The following VWA8 variants were observed in gnomAD, a reference collection of about 807,000 sequenced individuals.
VWA8 encodes von Willebrand factor A domain-containing protein 8.
Under a neutral mutation model 241.5 loss-of-function variants are expected in VWA8, and 221 were observed. The ratio of observed to expected loss-of-function variants is 0.91; its 90% CI spans 0.82 to 1.02. VWA8 has a LOEUF of 1.02. Ranked by LOEUF, VWA8 falls within the 50% of genes least tolerant of loss-of-function variation. The pLI is 0.00. For missense variants in VWA8, 2,322 were observed against 2,328.7 expected (o/e 1.00, Z 0.06); for synonymous variants, 852 against 827.1 (o/e 1.03, Z -0.52).
At chr13:41,706,225 ATT>A (rs1360105071) in intron 26 of VWA8, among the ~76,000 whole-genome samples, 2 of 152,244 alleles carry the variant, frequency 1.3e-5, no homozygotes, top group African/African-American at 2.4e-5. Flanking sequence ...TTGCCAACTC[ATT>A]CTAAGTAAGT....
chr13:41,869,743 CA>C (rs924625174), intron 9 of VWA8, among the ~76,000 whole-genome samples: 5 of 146,098 alleles, frequency 3.4e-5, no homozygotes, highest in Non-Finnish European at 6.0e-5. Flanking sequence ...CTAGCTATAT[CA>C]AAACTACACA....
At chr13:41,893,838 C>T (rs988292177) in intron 4 of VWA8, among the ~76,000 whole-genome samples, 5 of 152,200 alleles carry the variant, frequency 3.3e-5, no homozygotes, top group East Asian at 1.9e-4. Context: ...GAGCCAAGAT[C>T]GCACCCCTAC....
intron 42 of VWA8, among the ~76,000 whole-genome samples, chr13:41,586,757 AGTCT>A (rs1337520432): frequency 2.0e-5 from 3 of 152,216 alleles, no homozygotes; most frequent in African/African-American, 7.2e-5. Context: ...AATAAAATCT[AGTCT>A]GTCTATGGAC....
In VWA8 at chr13:41,645,874, C is replaced by T. The variant is rs2044828507; in HGVS notation, c.4611+25072G>A. Among the ~76,000 whole-genome samples, 3 of 151,902 alleles carry T rather than the reference C, an allele frequency of 2.0e-5. No individual in the cohort carries two copies. In the South Asian group the frequency reaches 6.2e-4, roughly 32 times the overall value. ...TCACTTACTTTTATTTTTCTAAGTG[C>T]ATCTGAAAGAAGAAAGGTATTTCCA... On this transcript the variant is annotated intron_variant, in intron 37 of 44. Coordinates refer to ENST00000379310, the MANE Select transcript of VWA8 (RefSeq NM_015058.2).
At chr13:41,649,365 A>G (rs2044854191) in intron 37 of VWA8, among the ~76,000 whole-genome samples, 1 of 152,198 alleles carries the variant, frequency 6.6e-6, no homozygotes, top group Non-Finnish European at 1.5e-5. Context: ...CCTAGTTTTA[A>G]TAATTGTAAA....
At chr13:41,658,735 A>G (rs1593679861) in intron 37 of VWA8, among the ~76,000 whole-genome samples, 2 of 152,174 alleles carry the variant, frequency 1.3e-5, no homozygotes, top group South Asian at 4.1e-4. Context: ...TCCCATGTCC[A>G]CCCTTCTAAA....
intron 42 of VWA8, among the ~76,000 whole-genome samples, chr13:41,577,516 G>A (rs1160278849): frequency 6.6e-6 from 1 of 152,166 alleles, no homozygotes; most frequent in Non-Finnish European, 1.5e-5. Context: ...TCATCCATGG[G>A]TTCAGTGGTA....
chr13:41,583,955 G>C (rs935500117), intron 42 of VWA8, among the ~76,000 whole-genome samples: 13 of 152,170 alleles, frequency 8.5e-5, no homozygotes, highest in Non-Finnish European at 1.8e-4. Context: ...AAGTTTTTTA[G>C]AGAATGTCCT....
intron 36 of VWA8, among the ~76,000 whole-genome samples, chr13:41,673,522 TG>T (rs1250028901): frequency 2.6e-5 from 4 of 152,186 alleles, no homozygotes; most frequent in African/African-American, 9.6e-5. Context: ...ACTTGAAATG[TG>T]GCAAGTCCAA....
chr13:41,750,758 G>A (rs911857404), intron 21 of VWA8, among the ~76,000 whole-genome samples: 2 of 152,206 alleles, frequency 1.3e-5, no homozygotes, highest in Non-Finnish European at 2.9e-5. Context: ...TTCATCAGAT[G>A]AGGAATTGCT....
At chr13:41,815,735 T>C (rs1476389041) in intron 16 of VWA8, among the ~76,000 whole-genome samples, 2 of 152,250 alleles carry the variant, frequency 1.3e-5, no homozygotes, top group South Asian at 2.1e-4. Flanking sequence ...CATCAATTTA[T>C]GGTAACTTGT....
chr13:41,913,019 C>T (rs1050357704), intron 2 of VWA8, among the ~76,000 whole-genome samples: 50 of 151,558 alleles, frequency 3.3e-4, no homozygotes, highest in African/African-American at 1.2e-3. Context: ...AAACTGGAGA[C>T]AGAACAATGA....
chr13:41,705,907 A>G (rs1373566763), intron 26 of VWA8, among the ~76,000 whole-genome samples: 3 of 152,190 alleles, frequency 2.0e-5, no homozygotes, highest in African/African-American at 7.2e-5. Flanking sequence ...TGATAGATAC[A>G]CATGCTTTAT....
rs2044977626 is a variant in VWA8 at position 41,665,059 on chromosome 13, AG to A, written c.4611+5886del. ...GGATCTGACAAAATTTTTTCCAAAC[AG>A]GATTATAAACAAAGCTTACATTTTA... On this transcript the variant is annotated intron_variant, in intron 37 of 44. Transcript: ENST00000379310. 2.0e-5 allele frequency among the ~76,000 whole-genome samples: 3 copies of A among 152,304 alleles called. No individual in the cohort carries two copies. In the South Asian group the frequency reaches 6.2e-4, roughly 32 times the overall value.
At chr13:41,912,360 C>A (rs1368732897) in intron 2 of VWA8, among the ~76,000 whole-genome samples, 192 bp from the exon 3 acceptor site, 2 of 151,666 alleles carry the variant, frequency 1.3e-5, no homozygotes, top group African/African-American at 4.8e-5. Flanking sequence ...CATGTAGACA[C>A]CTGCTGAATT....
At position 41,751,694 on chromosome 13, in the gene VWA8, G is replaced by A. The variant is rs1221971789; in HGVS notation, c.2426+9434C>T. Among the ~76,000 whole-genome samples, 5 of 152,000 alleles carry A rather than the reference G, an allele frequency of 3.3e-5. No individual in the cohort carries two copies. The East Asian group carries it at 5.8e-4, about 18-fold the overall frequency. Reference sequence around the variant, plus strand: ...TTTAAGAGGGCAGAATTTGCTAAACGGTTTACTTCATTTGGTTTCATAAAG... The same window carrying A: ...TTTAAGAGGGCAGAATTTGCTAAACAGTTTACTTCATTTGGTTTCATAAAG... On this transcript the variant is annotated intron_variant, in intron 21 of 44. Transcript: ENST00000379310.
chr13:41,719,208 T>C (rs896542401), intron 26 of VWA8: 3 of 437,348 alleles, frequency 6.9e-6, no homozygotes, highest in Non-Finnish European at 9.2e-6. Flanking sequence ...AACTATATAG[T>C]AACAGAAATA....
intron 9 of VWA8, among the ~76,000 whole-genome samples, chr13:41,869,684 G>A (rs1390078672): frequency 7.2e-6 from 1 of 138,270 alleles, no homozygotes; most frequent in Non-Finnish European, 1.5e-5. Context: ...GATTCTTGAT[G>A]TGGCCCAATT....
intron 12 of VWA8, among the ~76,000 whole-genome samples, chr13:41,845,746 C>G (rs1200337062): frequency 1.3e-5 from 2 of 152,140 alleles, no homozygotes; most frequent in South Asian, 2.1e-4. Flanking sequence ...CTCACTCACT[C>G]ATGTTCTCAC....
Sources: gnomAD v4.1 joint callset for allele counts (sites outside exome capture counted in the v4.1 genomes callset) on GRCh38, gnomAD v4.1.1 for gene constraint, MANE v1.5 for transcripts, NCBI Gene and HGNC (gene_info 2026-07-23, HGNC 2026-07-21) for gene names.